Variants in SPECC1 observed in about 807,000 individuals in gnomAD.
SPECC1 encodes sperm antigen with calponin homology and coiled-coil domains 1.
SPECC1 carries 62 observed loss-of-function variants against 104.1 expected under a neutral mutation model. The ratio of observed to expected loss-of-function variants is 0.60; its 90% confidence interval spans 0.49 to 0.74. The LOEUF is 0.74. Ranked by LOEUF, SPECC1 falls within the 30% of genes least tolerant of loss-of-function variation. The probability of loss-of-function intolerance (pLI) is 0.00; values close to 1 mark genes in which losing one functional copy is unlikely to be tolerated. For synonymous variants in SPECC1, 513 were observed against 501.6 expected (o/e 1.02, Z -0.30); for missense variants, 1,306 against 1,310.5 (o/e 1.00, Z 0.05).
chr17:20,090,407 G>T (rs1310879319), intron 1 of SPECC1, among the ~76,000 whole-genome samples: 1 of 151,992 alleles, frequency 6.6e-6, no homozygotes, highest in Non-Finnish European at 1.5e-5. Flanking sequence ...TCCTTTCTCA[G>T]CTCACCTCAG....
chr17:20,260,344 C>A, intron 12 of SPECC1, 50 bp downstream of exon 12: 1 of 1,519,642 alleles, frequency 6.6e-7, no homozygotes, highest in South Asian at 1.2e-5. Context: ...CAGTAGTAGT[C>A]CTGTGCCAAT....
chr17:20,175,117 C>T (rs569266074), intron 3 of SPECC1, among the ~76,000 whole-genome samples: 25 of 152,192 alleles, frequency 1.6e-4, no homozygotes, highest in Admixed American at 3.3e-4. Context: ...CAAGAAAGTG[C>T]GCCTCTGTTT....
At chr17:20,172,503 T>G (rs2034164966) in intron 3 of SPECC1, among the ~76,000 whole-genome samples, 1 of 152,210 alleles carries the variant, frequency 6.6e-6, no homozygotes, top group Admixed American at 6.5e-5. Context: ...TGGTTTGCTG[T>G]GACTGCAGAA....
chr17:20,123,207 G>A (rs996085666), intron 3 of SPECC1, among the ~76,000 whole-genome samples: 3 of 152,206 alleles, frequency 2.0e-5, no homozygotes, highest in African/African-American at 7.2e-5. Context: ...CACGAGACAT[G>A]GAAGTGCCCA....
At chr17:20,175,056 C>T (rs982802335) in intron 3 of SPECC1, among the ~76,000 whole-genome samples, 4 of 152,138 alleles carry the variant, frequency 2.6e-5, no homozygotes, top group Non-Finnish European at 5.9e-5. Flanking sequence ...AGCCTGGGGC[C>T]GCCTCTGTGC....
intron 1 of SPECC1, among the ~76,000 whole-genome samples, chr17:20,072,338 A>T (rs1035875389): frequency 1.3e-5 from 2 of 152,250 alleles, no homozygotes; most frequent in African/African-American, 4.8e-5. Context: ...CATTTTGCTT[A>T]AGCAAAATTG....
chr17:20,269,762 C>G (rs548633679), intron 12 of SPECC1, among the ~76,000 whole-genome samples: 1 of 152,208 alleles, frequency 6.6e-6, no homozygotes, highest in Non-Finnish European at 1.5e-5. Flanking sequence ...CTTGGAAGCA[C>G]GTGCCTGGTT....
chr17:20,260,417 C>T (rs987113485), intron 12 of SPECC1, 123 bp downstream of exon 12: 1 of 795,434 alleles, frequency 1.3e-6, no homozygotes, highest in African/African-American at 1.7e-5. Flanking sequence ...TCTTTCTATT[C>T]TCCTAGGCAG....
chr17:20,049,197 A>G (rs2045650393), intron 1 of SPECC1, among the ~76,000 whole-genome samples: 1 of 152,222 alleles, frequency 6.6e-6, no homozygotes, highest in Non-Finnish European at 1.5e-5. Flanking sequence ...TGAGAGTGCC[A>G]GTCTCCTCAC....
intron 12 of SPECC1, among the ~76,000 whole-genome samples, chr17:20,280,368 C>T (rs1023952122): frequency 2.0e-5 from 3 of 152,204 alleles, no homozygotes; most frequent in Admixed American, 2.0e-4. Context: ...TCCATGACTG[C>T]TCAGAGTCAC....
intron 14 of SPECC1, among the ~76,000 whole-genome samples, chr17:20,307,443 A>T (rs2041800338): frequency 6.6e-6 from 1 of 152,322 alleles, no homozygotes; most frequent in South Asian, 2.1e-4. Context: ...GGCAGGAAGA[A>T]GGGGAAGAGA....
At chr17:20,253,727 A>G (rs1015355531) in intron 10 of SPECC1, 141 bp downstream of exon 10, 23 of 772,654 alleles carry the variant, frequency 3.0e-5, no homozygotes, top group Admixed American at 4.8e-5. Context: ...TAATGTACAT[A>G]TCATGAATGT....
chr17:20,263,911 A>G (rs2040121626), intron 12 of SPECC1, among the ~76,000 whole-genome samples: 1 of 152,118 alleles, frequency 6.6e-6, no homozygotes, highest in East Asian at 1.9e-4. Context: ...GTGTGTGAAC[A>G]TTTTGGATTC....
intron 3 of SPECC1, among the ~76,000 whole-genome samples, chr17:20,122,788 C>CACACTGTAGCAT (rs1292234219): frequency 2.6e-5 from 4 of 152,186 alleles, no homozygotes; most frequent in African/African-American, 7.2e-5. Context: ...AAGGTACATC[C>CACACTGTAGCAT]ACACTGTAGC....
chr17:20,164,602 T>C (rs1314519321), intron 3 of SPECC1, among the ~76,000 whole-genome samples: 1 of 152,212 alleles, frequency 6.6e-6, no homozygotes, highest in Non-Finnish European at 1.5e-5. Context: ...TTGGAACATA[T>C]TCTTTAACAT....
chr17:20,173,625 G>A (rs1026941963), intron 3 of SPECC1, among the ~76,000 whole-genome samples: 1 of 152,126 alleles, frequency 6.6e-6, no homozygotes, highest in Admixed American at 6.5e-5. Context: ...GTAGACTGCC[G>A]TTTTAAACTG....
intron 3 of SPECC1, among the ~76,000 whole-genome samples, chr17:20,188,193 T>G (rs2035406715): frequency 6.6e-6 from 1 of 152,168 alleles, no homozygotes; most frequent in African/African-American, 2.4e-5. Flanking sequence ...GGTTATATGA[T>G]TTCTGTTTCT....
chr17:20,168,811 C>G (rs991141406), intron 3 of SPECC1, among the ~76,000 whole-genome samples: 2 of 152,082 alleles, frequency 1.3e-5, no homozygotes, highest in Non-Finnish European at 2.9e-5. Flanking sequence ...TATGTGTATG[C>G]TTATATGATG....
At chr17:20,159,464 A>G (rs2032933205) in intron 3 of SPECC1, among the ~76,000 whole-genome samples, 1 of 152,210 alleles carries the variant, frequency 6.6e-6, no homozygotes. Context: ...AAGAGTAAAG[A>G]GGTAAAATCC....
Sources: gnomAD v4.1 joint callset for allele counts (sites outside exome capture counted in the v4.1 genomes callset) on GRCh38, gnomAD v4.1.1 for gene constraint, MANE v1.5 for transcripts, NCBI Gene and HGNC (gene_info 2026-07-23, HGNC 2026-07-21) for gene names.